The following AKNA variants were observed in gnomAD, a reference collection of about 807,000 sequenced individuals.
AKNA encodes the protein microtubule organization protein AKNA.
In AKNA, 67 loss-of-function variants were observed where a neutral mutation model predicts 138.8. That is an observed-to-expected ratio of 0.48 (90% CI 0.40 to 0.59). AKNA has a LOEUF of 0.59. Among genes scored for constraint, AKNA ranks in the 20% least tolerant of loss-of-function variants. The probability of loss-of-function intolerance (pLI) is 0.00; values close to 1 mark genes in which losing one functional copy is unlikely to be tolerated. For missense variants in AKNA, 1,813 were observed against 1,880.4 expected (o/e 0.96, Z 0.66); for synonymous variants, 737 against 754.4 (o/e 0.98, Z 0.38).
upstream of AKNA, among the ~76,000 whole-genome samples, chr9:114,389,878 A>C (rs1240271181): frequency 6.6e-6 from 1 of 152,102 alleles, no homozygotes; most frequent in Non-Finnish European, 1.5e-5. Context: ...GTAATCGCCC[A>C]CCCCTCTATC....
intron 21 of AKNA, among the ~76,000 whole-genome samples, chr9:114,337,802 A>AAT (rs980840265): frequency 7.9e-5 from 12 of 151,920 alleles, no homozygotes; most frequent in Admixed American, 1.3e-4. Flanking sequence ...TAATAATAAT[A>AAT]ATAATAGGGA....
rs1269148557 is a variant in AKNA, at chr9:114,335,849, C to T, written c.*1205G>A. On this transcript the variant is annotated 3_prime_UTR_variant, in exon 22 of 22. Coordinates refer to ENST00000374088, the MANE Select transcript of AKNA (RefSeq NM_001317950.2). Reference sequence around the variant, plus strand: ...GCACTGGAGAGTCCAGGTGCATACTCTTGTAGACAGCAACTTGCTGTGTGC... The same window carrying T: ...GCACTGGAGAGTCCAGGTGCATACTTTTGTAGACAGCAACTTGCTGTGTGC... The T allele has an allele frequency of 6.6e-6, 1 of 151,864 alleles. No individual in the cohort carries two copies. Among genetic ancestry groups the T allele is most frequent in the East Asian group, 1.9e-4 (1 of 5,186 alleles). 9.4% of individuals were successfully genotyped at this position (151,864 alleles called of 1,614,324 possible). A position where few individuals can be genotyped will look rare whatever the true frequency, so the allele number is the denominator to read the frequency against.
chr9:114,349,477 T>A (rs189060210), intron 15 of AKNA, among the ~76,000 whole-genome samples: 1 of 152,250 alleles, frequency 6.6e-6, no homozygotes, highest in African/African-American at 2.4e-5. Flanking sequence ...CTTCTTCCCC[T>A]CTGTAGGGGC....
At chr9:114,358,953 A>G (rs1831712887) in intron 11 of AKNA, 1 of 153,892 alleles carries the variant, frequency 6.5e-6, no homozygotes. Flanking sequence ...GTGCACGTGT[A>G]CCCTAAAACT....
Position 114,381,419 on chromosome 9 carries a change from T to C in AKNA, c.-86A>G, listed in dbSNP as rs1274549269. On this transcript the variant is annotated 5_prime_UTR_variant, in exon 2 of 22. Transcript: ENST00000374088. ...GGGCCCCAGAGTCACCGCTGGTTCCTGTCAGCATCGGCCATCCTGCCTGTG... is the reference window on the plus strand; with the variant it reads ...GGGCCCCAGAGTCACCGCTGGTTCCCGTCAGCATCGGCCATCCTGCCTGTG... 8.3e-6 allele frequency: 12 copies of C among 1,442,936 alleles called. No individual in the cohort carries two copies. The highest frequency in any genetic ancestry group is 1.1e-5 in the Non-Finnish European group (12 of 1,102,088). The allele number at this position is 1,442,936 out of a possible 1,614,324, so 89.4% of individuals were successfully genotyped here.
upstream of AKNA, among the ~76,000 whole-genome samples, chr9:114,390,022 G>A (rs10982193): frequency 0.2 from 30,642 of 152,058 alleles, 3,571 homozygotes; most frequent in East Asian, 0.33. Flanking sequence ...ATTGTGCAAG[G>A]GGCGGGCTCC....
intron 14 of AKNA, among the ~76,000 whole-genome samples, chr9:114,352,039 G>A (rs1397300101): frequency 6.6e-6 from 1 of 152,154 alleles, no homozygotes; most frequent in African/African-American, 2.4e-5. Context: ...TTATAGAAAT[G>A]GAGAACAGAT....
At chr9:114,337,761 G>A (rs952037206) in intron 21 of AKNA, among the ~76,000 whole-genome samples, 1 of 151,668 alleles carries the variant, frequency 6.6e-6, no homozygotes, top group African/African-American at 2.4e-5. Flanking sequence ...AGGGGTGCTG[G>A]AGAAAGGCAA....
At chr9:114,365,977 G>A (rs948522081) in intron 6 of AKNA, among the ~76,000 whole-genome samples, 3 of 152,130 alleles carry the variant, frequency 2.0e-5, no homozygotes, top group Non-Finnish European at 2.9e-5. Context: ...ATGTGTCTCC[G>A]GCTACGGAAC....
In AKNA at chr9:114,346,009, C is replaced by T. The variant is rs201635648; in HGVS notation, c.3515G>A (p.Ser1172Asn). The stretch of plus-strand genomic sequence containing the variant: ...TAGGGAGGGCAGCTCAGATTCTGAA[C>T]CTGGGGTAGAAAAAGTGGGGCATCA... ...VPREVLRLSL[S>N]SESELPSLPL... is the part of the protein sequence containing the mutation. Residue 1172 changes from serine (S) to asparagine (N), a missense_variant and splice_region_variant, in exon 18 of 22, where the codon AGT becomes AAT. Ser to Asn is a conservative substitution (Grantham distance 46). Transcript: ENST00000374088. The T allele has an allele frequency of 5.6e-6, 9 of 1,612,660 alleles. No individual in the cohort carries two copies. Among genetic ancestry groups the T allele is most frequent in the Non-Finnish European group, 6.8e-6 (8 of 1,179,302 alleles).
rs377546210 is a variant in AKNA, at chr9:114,381,270, G to A, written c.64C>T (p.Arg22Trp). ...TTGTCCTCGGCCCAGGCCCAGCGCC[G>A]CCGCTGGGGGCCCTTCCCCAGGCCA... is the stretch of plus-strand genomic sequence containing the variant. ...EPGLGKGPQRRRWAWAEDKRD... is the reference protein window; with the variant it reads ...EPGLGKGPQRWRWAWAEDKRD... The change falls in exon 2 of 22, where the codon CGG (arginine) becomes TGG (tryptophan). Residue 22 changes from arginine to tryptophan, a missense_variant. Coordinates refer to ENST00000374088, the MANE Select transcript of AKNA (RefSeq NM_001317950.2). The A allele has an allele frequency of 7.1e-5, 114 of 1,612,516 alleles. 1 individual carries two copies. The highest frequency in any genetic ancestry group is 3.3e-4 in the Middle Eastern group (2 of 6,080).
At position 114,381,879 on chromosome 9, in the gene AKNA, G is replaced by A. The variant is rs1241559734; in HGVS notation, c.-113-433C>T. 2.6e-5 allele frequency among the ~76,000 whole-genome samples: 4 copies of A among 152,104 alleles called. No homozygotes were observed. In the East Asian group the frequency reaches 7.7e-4, roughly 29 times the overall value. On this transcript the variant is annotated intron_variant, in intron 1 of 21. Transcript: ENST00000374088. ...TTGGCGAGGCTGGTCTCGAACTCCT[G>A]ACCTTGTGATCCACCCGCCTTGGCC...
rs1350358299 is a variant in AKNA, at chr9:114,337,266, C to T, written c.4108G>A (p.Ala1370Thr). Residue 1370 changes from alanine (A) to threonine (T), a missense_variant, in exon 22 of 22, where the codon GCC becomes ACC. Transcript: ENST00000374088. ...GGAGAGGCTGTGGGCGGCCACTTGGCAGCTGGTTGGGCTGAGGTAGGTCCT... is the reference window on the plus strand; with the variant it reads ...GGAGAGGCTGTGGGCGGCCACTTGGTAGCTGGTTGGGCTGAGGTAGGTCCT... Reference protein sequence around the residue: ...PAGPTSAQPAAKWPPTASPPP... With the variant: ...PAGPTSAQPATKWPPTASPPP... 2 of 1,545,306 alleles carry T rather than the reference C, an allele frequency of 1.3e-6. No individual in the cohort carries two copies. Among genetic ancestry groups the T allele is most frequent in the Non-Finnish European group, 1.8e-6 (2 of 1,137,030 alleles).
At position 114,356,901 on chromosome 9, in the gene AKNA, G is replaced by A. The variant is rs751690143; in HGVS notation, c.2808C>T (p.Pro936=). 3 of 1,570,816 alleles carry A rather than the reference G, an allele frequency of 1.9e-6. No homozygotes were observed. Among genetic ancestry groups the A allele is most frequent in the Non-Finnish European group, 2.6e-6 (3 of 1,163,260 alleles). Residue 936 remains proline (P), a synonymous_variant, in exon 13 of 22, where the codon CCC becomes CCT. Coordinates refer to ENST00000374088, the MANE Select transcript of AKNA (RefSeq NM_001317950.2). ...GCCGGTGCTCTGGAGTCTGGGTGAG[G>A]GGTGAAACTCTGCTTGTTTCTGAGC... ...FVGSETSRVS[P]LTQTPEHRLS... is the part of the protein sequence containing the mutation.
At chr9:114,355,873 A>G (rs983248480) in intron 14 of AKNA, 52 bp downstream of exon 14, 6 of 1,562,508 alleles carry the variant, frequency 3.8e-6, no homozygotes, top group Middle Eastern at 1.7e-4. Flanking sequence ...AAGTTTTTCT[A>G]TTTGATTTTT....
chr9:114,383,196 C>T (rs1051089341), intron 1 of AKNA: 8 of 455,926 alleles, frequency 1.8e-5, no homozygotes, highest in Non-Finnish European at 2.6e-5. Context: ...GCTGGCCACA[C>T]GGGGGACCCG....
intron 2 of AKNA, among the ~76,000 whole-genome samples, chr9:114,379,113 T>C (rs1352329774): frequency 6.6e-6 from 1 of 152,244 alleles, no homozygotes; most frequent in African/African-American, 2.4e-5. Flanking sequence ...GCCCCAGCCA[T>C]GCAGGTGAGT....
At position 114,346,795 on chromosome 9, in the gene AKNA, G is replaced by A; in HGVS notation, c.3399-11C>T. ...CTCTCTGTGGATTTACTAGCAAAAGGAAAGAGAGATGATGTCATTGGATGA... is the reference window on the plus strand; with the variant it reads ...CTCTCTGTGGATTTACTAGCAAAAGAAAAGAGAGATGATGTCATTGGATGA... On this transcript the variant is annotated splice_polypyrimidine_tract_variant and intron_variant, in intron 16 of 21. Coordinates refer to ENST00000374088, the MANE Select transcript of AKNA (RefSeq NM_001317950.2). 6.2e-7 allele frequency: 1 copy of A among 1,607,004 alleles called. No homozygotes were observed. Among genetic ancestry groups the A allele is most frequent in the Non-Finnish European group, 8.5e-7 (1 of 1,175,086 alleles).
Position 114,356,156 on chromosome 9 carries a change from G to C in AKNA, c.2847-20C>G, listed in dbSNP as rs543688789. The C allele has an allele frequency of 1.9e-6, 3 of 1,603,392 alleles. No individual in the cohort carries two copies. In the Admixed American group the frequency reaches 5.0e-5, roughly 27 times the overall value. ...GCTGTGCTGGGGGACCGTGGAGGAA[G>C]GGACACACAGGGGTCACACAGAGTG... On this transcript the variant is annotated intron_variant, in intron 13 of 21. Coordinates refer to ENST00000374088, the MANE Select transcript of AKNA (RefSeq NM_001317950.2).
Sources: allele counts gnomAD v4.1 joint callset (sites outside exome capture counted in the v4.1 genomes callset), GRCh38; gene constraint gnomAD v4.1.1; transcripts MANE v1.5; gene names NCBI Gene and HGNC (gene_info 2026-07-23, HGNC 2026-07-21).